The following HS6ST1 variants were observed in gnomAD, a reference collection of about 807,000 sequenced individuals.
HS6ST1 encodes heparan sulfate 6-O-sulfotransferase 1, also known as heparan-sulfate 6-O-sulfotransferase 1.
A neutral mutation model predicts 25.2 loss-of-function variants in HS6ST1; 3 were observed. The ratio of observed to expected loss-of-function variants is 0.12; its 90% confidence interval spans 0.05 to 0.31. The LOEUF (loss-of-function observed/expected upper bound fraction) is 0.31. Among genes scored for constraint, HS6ST1 ranks in the 10% least tolerant of loss-of-function variants. The pLI, the probability that HS6ST1 is intolerant of heterozygous loss-of-function variation, is 1.00. For missense variants in HS6ST1, 310 were observed against 609.6 expected (o/e 0.51, Z 5.18); for synonymous variants, 204 against 275.1 (o/e 0.74, Z 2.56).
At chr2:128,277,663 A>C (rs1693716726) in intron 1 of HS6ST1, among the ~76,000 whole-genome samples, 1 of 152,244 alleles carries the variant, frequency 6.6e-6, no homozygotes, top group African/African-American at 2.4e-5. Context: ...CAGTGAGGCT[A>C]AGGCACACAG....
At position 128,273,248 on chromosome 2, in the gene HS6ST1, G is replaced by A. The variant is rs376821963; in HGVS notation, c.528-4378C>T. On this transcript the variant is annotated intron_variant, in intron 1 of 1. Coordinates refer to ENST00000259241, the MANE Select transcript of HS6ST1 (RefSeq NM_004807.3). ...GCCCTAAGGCCCAATGGCTTACGCT[G>A]TCCCCACGGCTCCCTGTGCACCTTC... Among the ~76,000 whole-genome samples, 29 of 152,344 alleles carry A rather than the reference G, an allele frequency of 1.9e-4. No individual in the cohort carries two copies. In the South Asian group the frequency reaches 6.0e-3, roughly 32 times the overall value.
At chr2:128,317,942 T>C in intron 1 of HS6ST1, 95 bp downstream of exon 1, 1 of 1,305,364 alleles carries the variant, frequency 7.7e-7, no homozygotes, top group Middle Eastern at 2.8e-4. Flanking sequence ...CAGAAGGGGG[T>C]AGGGAAGGCA....
chr2:128,316,954 C>T (rs1038058386), intron 1 of HS6ST1, among the ~76,000 whole-genome samples: 2 of 152,160 alleles, frequency 1.3e-5, no homozygotes, highest in Non-Finnish European at 2.9e-5. Flanking sequence ...CCTACAACCG[C>T]CCAGCCTCCT....
At chr2:128,314,035 C>T (rs1419456140) in intron 1 of HS6ST1, among the ~76,000 whole-genome samples, 3 of 152,022 alleles carry the variant, frequency 2.0e-5, no homozygotes, top group Non-Finnish European at 4.4e-5. Context: ...AAAGGCCTCT[C>T]TAGGCAATGT....
intron 1 of HS6ST1, among the ~76,000 whole-genome samples, chr2:128,282,899 C>T (rs893294176): frequency 1.3e-5 from 2 of 152,186 alleles, no homozygotes; most frequent in African/African-American, 2.4e-5. Flanking sequence ...CTAACACAGG[C>T]GGTGCTGACC....
chr2:128,268,646 A>C lies in HS6ST1; in HGVS notation c.752T>G (p.Val251Gly). 1 of 1,610,308 alleles carries C rather than the reference A, an allele frequency of 6.2e-7. No homozygotes were observed. Among genetic ancestry groups the C allele is most frequent in the South Asian group, 1.1e-5 (1 of 90,962 alleles). Residue 251 changes from valine (V) to glycine (G), a missense_variant, in exon 2 of 2, where the codon GTG becomes GGG. Val to Gly is a moderately radical substitution (Grantham distance 109). Coordinates refer to ENST00000259241, the MANE Select transcript of HS6ST1 (RefSeq NM_004807.3). ...CAGGCTCAGGTCGGCCAGCATGCGC[A>C]CCTGGCGGTTGTTGGCCAGGTTGTA... ...CPYNLANNRQVRMLADLSLVG... is the reference protein window; with the variant it reads ...CPYNLANNRQGRMLADLSLVG...
chr2:128,305,230 G>GT (rs1316446489), intron 1 of HS6ST1, among the ~76,000 whole-genome samples: 4 of 152,226 alleles, frequency 2.6e-5, no homozygotes, highest in Non-Finnish European at 4.4e-5. Flanking sequence ...CCTCTACTTT[G>GT]TAAGAATGAT....
chr2:128,283,099 C>G lies in HS6ST1; in HGVS notation c.528-14229G>C, dbSNP rs191835979. On this transcript the variant is annotated intron_variant, in intron 1 of 1. Coordinates refer to ENST00000259241, the MANE Select transcript of HS6ST1 (RefSeq NM_004807.3). Reference sequence around the variant, plus strand: ...CAAGCACCTGGCTCCAGGCCCACAGCTGTGTGTCCTGGGCAGGCCACCCCT... The same window carrying G: ...CAAGCACCTGGCTCCAGGCCCACAGGTGTGTGTCCTGGGCAGGCCACCCCT... 2.3e-3 allele frequency among the ~76,000 whole-genome samples: 358 copies of G among 152,346 alleles called. 5 individuals are homozygous for G. Among genetic ancestry groups the G allele is most frequent in the African/African-American group, 6.9e-3 (287 of 41,562 alleles).
At chr2:128,314,080 C>T (rs1216253852) in intron 1 of HS6ST1, among the ~76,000 whole-genome samples, 1 of 152,170 alleles carries the variant, frequency 6.6e-6, no homozygotes, top group Non-Finnish European at 1.5e-5. Flanking sequence ...GTCCCCAGGT[C>T]CTGTTCATTG....
In HS6ST1 at chr2:128,268,886, G is replaced by A. The variant is rs1174436649; in HGVS notation, c.528-16C>T. The A allele has an allele frequency of 3.1e-6, 5 of 1,593,310 alleles. No individual in the cohort carries two copies. In the South Asian group the frequency reaches 4.4e-5, roughly 14 times the overall value. ...GTAGAACTTCCTGCAAGGAGACGGG[G>A]AGAGGAGGTGAGGGCTGTGACGCAG... is the stretch of plus-strand genomic sequence containing the variant. On this transcript the variant is annotated splice_polypyrimidine_tract_variant and intron_variant, in intron 1 of 1. Transcript: ENST00000259241.
chr2:128,282,268 C>T (rs1440766255), intron 1 of HS6ST1, among the ~76,000 whole-genome samples: 3 of 152,330 alleles, frequency 2.0e-5, no homozygotes, highest in South Asian at 4.1e-4. Context: ...AGTGAAGACG[C>T]GGCAGTACTG....
At chr2:128,308,651 C>T (rs1326753132) in intron 1 of HS6ST1, among the ~76,000 whole-genome samples, 3 of 152,180 alleles carry the variant, frequency 2.0e-5, no homozygotes, top group Non-Finnish European at 4.4e-5. Context: ...CAAATGGGCA[C>T]AGTCAGGAAG....
At chr2:128,300,008 T>C (rs1694099696) in intron 1 of HS6ST1, among the ~76,000 whole-genome samples, 1 of 152,110 alleles carries the variant, frequency 6.6e-6, no homozygotes, top group Non-Finnish European at 1.5e-5. Context: ...CAGATTGTCT[T>C]GTGAAGCCCA....
rs1225549801 is a variant in HS6ST1, at chr2:128,268,758, G to A, written c.640C>T (p.Arg214Cys). The stretch of plus-strand genomic sequence containing the variant: ...GGCAGCTCCTCAGGCGTGGGCGTGC[G>A]CCCATCACACATATGCAACGACGTC... ...WKTSLHMCDG[R>C]TPTPEELPPC... Residue 214 changes from arginine to cysteine, a missense_variant, in exon 2 of 2, where the codon CGC becomes TGC. This residue lies in a region of HS6ST1 where 98 missense variants were observed against 270.3 expected (regional missense o/e 0.36). Coordinates refer to ENST00000259241, the MANE Select transcript of HS6ST1 (RefSeq NM_004807.3). 8.7e-6 allele frequency: 14 copies of A among 1,612,544 alleles called. No homozygotes were observed. Among genetic ancestry groups the A allele is most frequent in the Non-Finnish European group, 9.3e-6 (11 of 1,179,902 alleles).
intron 1 of HS6ST1, among the ~76,000 whole-genome samples, chr2:128,278,699 T>A (rs1206568430): frequency 6.6e-6 from 1 of 152,076 alleles, no homozygotes; most frequent in South Asian, 2.1e-4. Context: ...CAAGGGTCTA[T>A]CCCCCTCCAA....
chr2:128,301,415 G>A (rs1030713141), intron 1 of HS6ST1, among the ~76,000 whole-genome samples: 3 of 152,160 alleles, frequency 2.0e-5, no homozygotes, highest in Non-Finnish European at 4.4e-5. Context: ...CTTTGGAAAA[G>A]CATCTCCTCT....
intron 1 of HS6ST1, among the ~76,000 whole-genome samples, chr2:128,292,484 T>C (rs1217208885): frequency 2.0e-5 from 3 of 152,188 alleles, no homozygotes; most frequent in Non-Finnish European, 2.9e-5. Context: ...CCCGGCGCTC[T>C]GGGACCTTGC....
chr2:128,316,769 C>T (rs1311605990), intron 1 of HS6ST1, among the ~76,000 whole-genome samples: 1 of 152,090 alleles, frequency 6.6e-6, no homozygotes, highest in African/African-American at 2.4e-5. Flanking sequence ...GCCCCTCCAA[C>T]TCTAGGACCC....
rs1487572043 is a variant in HS6ST1 at position 128,266,449 on chromosome 2, T to C, written c.*1713A>G. The C allele has an allele frequency of 1.3e-5, 2 of 152,228 alleles. No individual in the cohort carries two copies. The highest frequency in any genetic ancestry group is 2.4e-5 in the African/African-American group (1 of 41,468). The allele number at this position is 152,228 out of a possible 1,614,324, so 9.4% of individuals were successfully genotyped here. On this transcript the variant is annotated 3_prime_UTR_variant, in exon 2 of 2. Transcript: ENST00000259241. ...CCCTGCCCTGTTGACCATCCTGTCC[T>C]TGGACCCCAAAGTAAAATGGGGCCA...
Sources: allele counts gnomAD v4.1 joint callset (sites outside exome capture counted in the v4.1 genomes callset), GRCh38; gene constraint gnomAD v4.1.1; regional missense constraint gnomAD v4.1.1; transcripts MANE v1.5; gene names NCBI Gene and HGNC (gene_info 2026-07-23, HGNC 2026-07-21).